TMEM181: variants seen among roughly 807,000 people sequenced by gnomAD.
TMEM181 encodes the protein G protein-coupled receptor 178.
In TMEM181, 39 loss-of-function variants were observed where a neutral mutation model predicts 71.9. The ratio of observed to expected loss-of-function variants is 0.54; its 90% CI spans 0.42 to 0.71. The LOEUF is 0.71. Ranked by LOEUF, TMEM181 falls within the 30% of genes least tolerant of loss-of-function variation. TMEM181 has a pLI of 0.00. For missense variants in TMEM181, 595 were observed against 583.0 expected (o/e 1.02, Z -0.21); for synonymous variants, 245 against 228.8 (o/e 1.07, Z -0.64).
chr6:158,561,751 C>A (rs1037344001), intron 1 of TMEM181, among the ~76,000 whole-genome samples: 2 of 152,188 alleles, frequency 1.3e-5, no homozygotes, highest in Admixed American at 1.3e-4. Flanking sequence ...AGGCCTCCCC[C>A]TGCAGCTGTA....
At position 158,629,608 on chromosome 6, in the gene TMEM181, C is replaced by T. The variant is rs191862517; in HGVS notation, c.1193-122C>T. On this transcript the variant is annotated intron_variant, in intron 14 of 16. Coordinates refer to ENST00000684151, the MANE Select transcript of TMEM181 (RefSeq NM_001376852.1). ...TCCTGACGTCTGGGTAATGGACCCC[C>T]GGGCACTGGCGGGTGCTTGGCACTA... is the stretch of plus-strand genomic sequence containing the variant. 3.9e-4 allele frequency: 294 copies of T among 758,770 alleles called. No individual in the cohort carries two copies. The African/African-American group carries it at 4.7e-3, about 12-fold the overall frequency. The allele number at this position is 758,770 out of a possible 1,614,324, so 47.0% of individuals were successfully genotyped here.
At chr6:158,593,593 A>G (rs1784229192) in intron 6 of TMEM181, among the ~76,000 whole-genome samples, 1 of 152,246 alleles carries the variant, frequency 6.6e-6, no homozygotes, top group African/African-American at 2.4e-5. Flanking sequence ...GGAGAATCGC[A>G]TAATCAACAT....
upstream of TMEM181, among the ~76,000 whole-genome samples, chr6:158,556,648 G>A (rs9346758): frequency 0.61 from 92,289 of 152,100 alleles, 28,346 homozygotes; most frequent in East Asian, 0.72. Context: ...GTAAGATTGC[G>A]ATGGTCTTTG....
At chr6:158,536,806 G>C (rs776908467) in exon 1 of TMEM181, 1 of 1,559,522 alleles carries the variant, frequency 6.4e-7, no homozygotes, top group Non-Finnish European at 8.6e-7. Context: ...GGCGGCTGCG[G>C]GAAGCGTACC....
Position 158,634,380 on chromosome 6 carries a change from AAAAAT to A in TMEM181, c.*2496_*2500del, listed in dbSNP as rs1298959512. On this transcript the variant is annotated 3_prime_UTR_variant, in exon 17 of 17. Transcript: ENST00000684151. ...ACAGTAGCAAGAAAATTGTTGAAGA[AAAAAT>A]AAATTATTTACTGAGGGTAGTTATG... is the stretch of plus-strand genomic sequence containing the variant. 2.0e-5 allele frequency: 3 copies of A among 152,244 alleles called. No individual in the cohort carries two copies. Among genetic ancestry groups the A allele is most frequent in the South Asian group, 2.1e-4 (1 of 4,832 alleles). 9.4% of individuals were successfully genotyped at this position (152,244 alleles called of 1,614,324 possible).
At chr6:158,549,339 C>T (rs1261813327) in intron 1 of TMEM181, among the ~76,000 whole-genome samples, 1 of 152,146 alleles carries the variant, frequency 6.6e-6, no homozygotes, top group African/African-American at 2.4e-5. Flanking sequence ...TGGTCTCGAA[C>T]TCCTGACGTC....
At chr6:158,595,433 G>T (rs1382341759) in intron 6 of TMEM181, among the ~76,000 whole-genome samples, 2 of 152,210 alleles carry the variant, frequency 1.3e-5, no homozygotes, top group Non-Finnish European at 1.5e-5. Flanking sequence ...GCTGGGGAGC[G>T]TGTAAATTGA....
intron 1 of TMEM181, among the ~76,000 whole-genome samples, chr6:158,541,487 G>A (rs1781342014): frequency 6.6e-6 from 1 of 152,078 alleles, no homozygotes; most frequent in Admixed American, 6.5e-5. Context: ...ACACCCTGGG[G>A]CACCCATCTC....
intron 10 of TMEM181, among the ~76,000 whole-genome samples, chr6:158,612,423 T>G (rs1785384351): frequency 6.6e-6 from 1 of 152,194 alleles, no homozygotes; most frequent in African/African-American, 2.4e-5. Flanking sequence ...ATGCCGTCTG[T>G]AGATGTTTTG....
chr6:158,611,982 C>CCT (rs900089077), intron 10 of TMEM181, among the ~76,000 whole-genome samples: 2 of 145,680 alleles, frequency 1.4e-5, no homozygotes, highest in Non-Finnish European at 3.0e-5. Context: ...GGATACCCCC[C>CCT]CCACCTCCTA....
intron 1 of TMEM181, among the ~76,000 whole-genome samples, chr6:158,546,156 C>T (rs754416847): frequency 2.2e-4 from 34 of 152,186 alleles, no homozygotes; most frequent in Non-Finnish European, 4.7e-4. Flanking sequence ...GTCAAGCATG[C>T]TCCTGCCTCG....
intron 13 of TMEM181, chr6:158,626,817 C>T (rs1214429344): frequency 1.8e-4 from 83 of 450,720 alleles, no homozygotes; most frequent in South Asian, 2.3e-4. Context: ...CTGACCCACC[C>T]TCACACACAC....
At chr6:158,545,380 C>T (rs949539891) in intron 1 of TMEM181, among the ~76,000 whole-genome samples, 4 of 152,398 alleles carry the variant, frequency 2.6e-5, no homozygotes, top group East Asian at 3.9e-4. Flanking sequence ...CTTGGAAAGT[C>T]GTGGCAAGTG....
At chr6:158,581,999 C>T (rs546644922) in intron 3 of TMEM181, among the ~76,000 whole-genome samples, 5 of 152,224 alleles carry the variant, frequency 3.3e-5, no homozygotes, top group Admixed American at 2.0e-4. Context: ...TCCCCCTTCT[C>T]TCTGTTCTCA....
At chr6:158,561,111 C>T (rs529348322) in intron 1 of TMEM181, among the ~76,000 whole-genome samples, 2 of 152,324 alleles carry the variant, frequency 1.3e-5, no homozygotes, top group Admixed American at 6.5e-5. Flanking sequence ...GGGCGCGCTT[C>T]TTGGCTTATA....
At chr6:158,602,550 T>G (rs1372817438) in intron 6 of TMEM181, among the ~76,000 whole-genome samples, 1 of 152,168 alleles carries the variant, frequency 6.6e-6, no homozygotes, top group Admixed American at 6.5e-5. Flanking sequence ...GTCTTTTGAA[T>G]TTTGGCTGTT....
chr6:158,558,235 A>G (rs1781977177), upstream of TMEM181, among the ~76,000 whole-genome samples: 1 of 152,222 alleles, frequency 6.6e-6, no homozygotes, highest in Admixed American at 6.5e-5. Context: ...TTTCCACATC[A>G]TCTCATGCTG....
At chr6:158,619,014 T>G (rs1785790176) in intron 10 of TMEM181, among the ~76,000 whole-genome samples, 1 of 152,232 alleles carries the variant, frequency 6.6e-6, no homozygotes, top group African/African-American at 2.4e-5. Flanking sequence ...TTCTCTGTAT[T>G]TCCTGAATTT....
At chr6:158,585,212 T>C in intron 4 of TMEM181, 92 bp from the exon 5 acceptor site, 1 of 1,414,176 alleles carries the variant, frequency 7.1e-7, no homozygotes, top group Non-Finnish European at 9.4e-7. Context: ...AGCGTTTTCC[T>C]GGCTCCAAGG....
Sources: gnomAD v4.1 joint callset for allele counts (sites outside exome capture counted in the v4.1 genomes callset) on GRCh38, gnomAD v4.1.1 for gene constraint, MANE v1.5 for transcripts, NCBI Gene and HGNC (gene_info 2026-07-23, HGNC 2026-07-21) for gene names.